GYPC: variants seen among roughly 807,000 people sequenced by gnomAD.
GYPC encodes glycophorin-C.
GYPC carries 14 observed loss-of-function variants against 12.6 expected under a neutral mutation model. The observed-to-expected ratio is 1.11, with a 90% CI of 0.74 to 1.74. The LOEUF (loss-of-function observed/expected upper bound fraction) is 1.74, where lower values mean the gene tolerates loss of function less well. GYPC is among the 40% of genes most tolerant of loss of function. GYPC has a pLI of 0.00. For synonymous variants in GYPC, 78 were observed against 62.1 expected (o/e 1.26, Z -1.20); for missense variants, 225 against 172.1 (o/e 1.31, Z -1.72).
chr2:126,675,819 A>G (rs1187618577), intron 1 of GYPC: 2 of 307,574 alleles, frequency 6.5e-6, no homozygotes, highest in Non-Finnish European at 9.5e-6. Context: ...AGACAAGGAA[A>G]AGAAAAAGAG....
intron 1 of GYPC, among the ~76,000 whole-genome samples, chr2:126,687,365 T>G (rs1683320453): frequency 6.6e-6 from 1 of 152,212 alleles, no homozygotes; most frequent in South Asian, 2.1e-4. Context: ...CTAGTGTTTT[T>G]CTTCAGTAGG....
chr2:126,662,242 G>C (rs1182479125), intron 1 of GYPC, among the ~76,000 whole-genome samples: 1 of 152,188 alleles, frequency 6.6e-6, no homozygotes, highest in Non-Finnish European at 1.5e-5. Flanking sequence ...CTCTGGTGTG[G>C]GGCCCAGCCA....
At chr2:126,683,581 C>T (rs576781031) in intron 1 of GYPC, among the ~76,000 whole-genome samples, 44 of 152,308 alleles carry the variant, frequency 2.9e-4, no homozygotes, top group South Asian at 2.1e-3. Context: ...ACTTAGATGT[C>T]ATAGCTCAAC....
intron 1 of GYPC, among the ~76,000 whole-genome samples, chr2:126,681,102 G>A (rs1167037867): frequency 1.3e-5 from 2 of 152,186 alleles, no homozygotes; most frequent in African/African-American, 4.8e-5. Flanking sequence ...GGAAAATACA[G>A]ACAGCCATAT....
chr2:126,678,426 C>A (rs184495453), intron 1 of GYPC: 1 of 152,584 alleles, frequency 6.6e-6, no homozygotes, highest in Admixed American at 6.5e-5. Context: ...CTGGTCACCA[C>A]CCTCTGCTGC....
chr2:126,665,845 G>T (rs553678525), intron 1 of GYPC, among the ~76,000 whole-genome samples: 5 of 152,202 alleles, frequency 3.3e-5, no homozygotes, highest in Non-Finnish European at 7.3e-5. Flanking sequence ...AAGACAAAAA[G>T]TGAGGCTCAA....
intron 1 of GYPC, among the ~76,000 whole-genome samples, chr2:126,660,983 C>G (rs530261977): frequency 6.6e-6 from 1 of 152,328 alleles, no homozygotes; most frequent in East Asian, 1.9e-4. Context: ...ATAATCGGAA[C>G]TTCTGACAGA....
intron 1 of GYPC, among the ~76,000 whole-genome samples, chr2:126,663,772 AC>A (rs1020242020): frequency 1.9e-4 from 29 of 151,814 alleles, no homozygotes; most frequent in African/African-American, 7.0e-4. Context: ...TCAGCCCCTG[AC>A]CTCTCCCCTG....
intron 1 of GYPC, among the ~76,000 whole-genome samples, chr2:126,664,378 A>T (rs1437496676): frequency 1.3e-5 from 2 of 151,888 alleles, no homozygotes; most frequent in Non-Finnish European, 2.9e-5. Context: ...TTTGCATGTG[A>T]TGATACCGAA....
chr2:126,690,308 G>A lies in GYPC; in HGVS notation c.103G>A (p.Ala35Thr), dbSNP rs200793009. The A allele has an allele frequency of 8.1e-5, 130 of 1,608,538 alleles. No individual in the cohort carries two copies. Among genetic ancestry groups the A allele is most frequent in the Non-Finnish European group, 1.0e-4 (122 of 1,175,018 alleles). Residue 35 changes from alanine (A) to threonine (T), a missense_variant, in exon 2 of 4, where the codon GCA (alanine) becomes ACA (threonine). Ala to Thr is a moderately conservative substitution (Grantham distance 58). Coordinates refer to ENST00000259254, the MANE Select transcript of GYPC (RefSeq NM_002101.5). Reference sequence around the variant, plus strand: ...CACCACAATGCATACTACCACCATTGCAGGTGAGTTCTCATCACAGAGCCT... The same window carrying A: ...CACCACAATGCATACTACCACCATTACAGGTGAGTTCTCATCACAGAGCCT... Reference protein sequence around the residue: ...ASTTMHTTTIAEPDPGMSGWP... With the variant: ...ASTTMHTTTITEPDPGMSGWP...
chr2:126,693,153 C>G (rs562693935), intron 2 of GYPC, among the ~76,000 whole-genome samples: 8 of 152,236 alleles, frequency 5.3e-5, no homozygotes, highest in Non-Finnish European at 8.8e-5. Context: ...GGGGCAGATC[C>G]CTCATGCATA....
chr2:126,670,245 G>A (rs1341807801), intron 1 of GYPC, among the ~76,000 whole-genome samples: 1 of 152,204 alleles, frequency 6.6e-6, no homozygotes, highest in Middle Eastern at 3.2e-3. Flanking sequence ...CAAGCCTTAA[G>A]TTTAGCCAGG....
chr2:126,689,837 CTATA>C (rs1249142218), intron 1 of GYPC, among the ~76,000 whole-genome samples: 1 of 152,214 alleles, frequency 6.6e-6, no homozygotes, highest in Non-Finnish European at 1.5e-5. Flanking sequence ...AAGTATTCAG[CTATA>C]GCAACTCAAA....
chr2:126,692,952 G>A (rs1261742447), intron 2 of GYPC, among the ~76,000 whole-genome samples: 1 of 152,174 alleles, frequency 6.6e-6, no homozygotes, highest in Non-Finnish European at 1.5e-5. Context: ...CCTGTGAGAT[G>A]GGCCATTAAC....
chr2:126,676,515 A>G (rs1243194435), intron 1 of GYPC, among the ~76,000 whole-genome samples: 1 of 152,216 alleles, frequency 6.6e-6, no homozygotes, highest in African/African-American at 2.4e-5. Context: ...ATCACTTTCT[A>G]TGAAAGAAGC....
intron 1 of GYPC, among the ~76,000 whole-genome samples, chr2:126,670,805 T>A (rs138881502): frequency 6.6e-6 from 1 of 152,218 alleles, no homozygotes; most frequent in Non-Finnish European, 1.5e-5. Context: ...CAAATCCAGC[T>A]GCCCCCTATC....
chr2:126,679,579 A>G (rs1683099961), intron 1 of GYPC: 1 of 152,188 alleles, frequency 6.6e-6, no homozygotes, highest in South Asian at 2.1e-4. Context: ...TAGGAGCTCA[A>G]AAATTAGTGC....
intron 1 of GYPC, among the ~76,000 whole-genome samples, chr2:126,657,320 G>C (rs569501504): frequency 4.1e-4 from 62 of 152,324 alleles, no homozygotes; most frequent in African/African-American, 1.4e-3. Flanking sequence ...AGGCATCAGT[G>C]GTGCTTGGGA....
Position 126,656,234 on chromosome 2 carries a change from C to G in GYPC, c.-30C>G. ...GGCCTGGCCCGGCCTGGCCAGTCCC[C>G]GCGGTCTCTGCCCGGGCTGACGCCC... is the stretch of plus-strand genomic sequence containing the variant. On this transcript the variant is annotated 5_prime_UTR_variant, in exon 1 of 4. Coordinates refer to ENST00000259254, the MANE Select transcript of GYPC (RefSeq NM_002101.5). 3 of 1,591,796 alleles carry G rather than the reference C, an allele frequency of 1.9e-6. No individual in the cohort carries two copies. Among genetic ancestry groups the G allele is most frequent in the South Asian group, 2.3e-5 (2 of 88,022 alleles).
Sources: gnomAD v4.1 joint callset for allele counts (sites outside exome capture counted in the v4.1 genomes callset) on GRCh38, gnomAD v4.1.1 for gene constraint, MANE v1.5 for transcripts, NCBI Gene and HGNC (gene_info 2026-07-23, HGNC 2026-07-21) for gene names.